Variants in ZNF503 observed in about 807,000 individuals in gnomAD.
The protein encoded by ZNF503 is NocA-like zinc finger 2.
Under a neutral mutation model 34.4 loss-of-function variants are expected in ZNF503, and 15 were observed. The observed-to-expected ratio is 0.44, with a 90% CI of 0.29 to 0.67. The LOEUF is 0.67. Ranked by LOEUF, ZNF503 falls within the 30% of genes least tolerant of loss-of-function variation. ZNF503 has a pLI of 0.13. For synonymous variants in ZNF503, 580 were observed against 456.8 expected, an observed-to-expected ratio of 1.27 and a Z score of -3.44; for missense variants, 1,007 against 926.8, an observed-to-expected ratio of 1.09 and a Z score of -1.12.
chr10:75,351,980 C>T, the ZNF503 span, among the ~76,000 whole-genome samples: 5 of 152,282 alleles, frequency 3.3e-5, no homozygotes, highest in Admixed American at 2.6e-4. Context: ...TGCCCCTTGC[C>T]GCCACAAGGT....
chr10:75,386,273 A>G, the ZNF503 span, among the ~76,000 whole-genome samples: 1 of 152,214 alleles, frequency 6.6e-6, no homozygotes, highest in African/African-American at 2.4e-5. Flanking sequence ...CACAAGAATG[A>G]GCACAATATC....
the ZNF503 span, chr10:75,283,357 T>A: frequency 1.3e-5 from 2 of 152,288 alleles, no homozygotes; most frequent in Non-Finnish European, 2.9e-5. Flanking sequence ...GCAGCAGACA[T>A]ACGTGTGGCT....
the ZNF503 span, among the ~76,000 whole-genome samples, chr10:75,293,370 G>A: frequency 6.6e-6 from 1 of 152,190 alleles, no homozygotes; most frequent in Non-Finnish European, 1.5e-5. Flanking sequence ...GAGCCAGTGG[G>A]AGTGCAGCTG....
the ZNF503 span, among the ~76,000 whole-genome samples, chr10:75,297,801 AT>A: frequency 6.6e-6 from 1 of 152,246 alleles, no homozygotes; most frequent in African/African-American, 2.4e-5. Context: ...ACTACAACCC[AT>A]AAAGAGGTGA....
chr10:75,366,897 TACCCGCAC>T, the ZNF503 span, among the ~76,000 whole-genome samples: 3 of 151,886 alleles, frequency 2.0e-5, no homozygotes, highest in African/African-American at 7.3e-5. Flanking sequence ...GAGCTCCAGG[TACCCGCAC>T]TACTAGCTTG....
At chr10:75,287,665 T>G in the ZNF503 span, among the ~76,000 whole-genome samples, 2 of 152,048 alleles carry the variant, frequency 1.3e-5, no homozygotes, top group South Asian at 4.2e-4. Flanking sequence ...CAGGAGTGAG[T>G]GGACCAGGGC....
rs956078798 is a variant in ZNF503 at position 75,400,232 on chromosome 10, C to A, written c.458G>T (p.Gly153Val). Residue 153 changes from glycine (G) to valine (V), a missense_variant, in exon 2 of 2, where the codon GGC (glycine) becomes GTC (valine). By Grantham distance (109) the Gly-to-Val change is moderately radical. Transcript: ENST00000372524. ...GAGGAGGGAA[G>V]DKDTKSGPLK... ...GGGGCCCGATTTGGTGTCCTTGTCG[C>A]CCGCAGCACCGCCGCCGGCACCGCC... The A allele has an allele frequency of 1.1e-5, 18 of 1,610,330 alleles. No individual in the cohort carries two copies. The highest frequency in any genetic ancestry group is 1.6e-4 in the Middle Eastern group (1 of 6,076).
the ZNF503 span, among the ~76,000 whole-genome samples, chr10:75,325,903 G>A: frequency 2.0e-5 from 3 of 151,476 alleles, no homozygotes; most frequent in Non-Finnish European, 2.9e-5. Context: ...CTGTCACCTG[G>A]GCTGGAGTGC....
At chr10:75,332,405 T>C in the ZNF503 span, among the ~76,000 whole-genome samples, 1 of 152,094 alleles carries the variant, frequency 6.6e-6, no homozygotes, top group Non-Finnish European at 1.5e-5. Flanking sequence ...GTGTCTACTC[T>C]GCTGTTAAGC....
the ZNF503 span, among the ~76,000 whole-genome samples, chr10:75,284,515 T>C: frequency 6.6e-6 from 1 of 152,136 alleles, no homozygotes; most frequent in Non-Finnish European, 1.5e-5. Context: ...TCTCAACCCC[T>C]ACCCAGGTCC....
the ZNF503 span, among the ~76,000 whole-genome samples, chr10:75,389,709 G>T: frequency 6.6e-6 from 1 of 152,110 alleles, no homozygotes; most frequent in Non-Finnish European, 1.5e-5. Context: ...CAGTCTGGGC[G>T]ACAAAACGAG....
Position 75,401,400 on chromosome 10 carries a change from A to C in ZNF503, c.20T>G (p.Leu7Arg). ...GTGCTTACTGCTTCTTAGGGCAGAAAGCGAGGGCGCTGTGCTCATGACCCA... is the reference window on the plus strand; with the variant it reads ...GTGCTTACTGCTTCTTAGGGCAGAACGCGAGGGCGCTGTGCTCATGACCCA... MSTAPS[L>R]SALRSSKHSG... The change falls in exon 1 of 2, where the codon CTT (leucine) becomes CGT (arginine). Residue 7 changes from leucine to arginine, a missense_variant. Leu to Arg is a moderately radical substitution (Grantham distance 102). Coordinates refer to ENST00000372524, the MANE Select transcript of ZNF503 (RefSeq NM_032772.6). 1 of 1,538,784 alleles carries C rather than the reference A, an allele frequency of 6.5e-7. No individual in the cohort carries two copies. Among genetic ancestry groups the C allele is most frequent in the Non-Finnish European group, 8.7e-7 (1 of 1,146,408 alleles).
In ZNF503 at chr10:75,401,245, C is replaced by G. The variant is rs1365829422; in HGVS notation, c.175G>C (p.Ala59Pro). The G allele has an allele frequency of 5.0e-6, 8 of 1,606,826 alleles. No individual in the cohort carries two copies. Among genetic ancestry groups the G allele is most frequent in the Non-Finnish European group, 6.8e-6 (8 of 1,176,878 alleles). The change falls in exon 1 of 2, where the codon GCC (alanine) becomes CCC (proline). Residue 59 changes from alanine to proline, a missense_variant. Ala to Pro is a conservative substitution (Grantham distance 27). Coordinates refer to ENST00000372524, the MANE Select transcript of ZNF503 (RefSeq NM_032772.6). Reference sequence around the variant, plus strand: ...CGCAGGGGGTCAGAGGGGGGCACGGCGTGCACAAAAGGCTTGGTGCTGCCG... The same window carrying G: ...CGCAGGGGGTCAGAGGGGGGCACGGGGTGCACAAAAGGCTTGGTGCTGCCG... Reference protein sequence around the residue: ...PAGSTKPFVHAVPPSDPLRQA... With the variant: ...PAGSTKPFVHPVPPSDPLRQA...
the ZNF503 span, among the ~76,000 whole-genome samples, chr10:75,299,233 G>A: frequency 6.6e-6 from 1 of 152,158 alleles, no homozygotes; most frequent in Non-Finnish European, 1.5e-5. Flanking sequence ...GCTCAGCCTT[G>A]TTTAACTTTT....
At chr10:75,350,236 G>C in the ZNF503 span, 1 of 152,212 alleles carries the variant, frequency 6.6e-6, no homozygotes, top group African/African-American at 2.4e-5. Flanking sequence ...CATGACATAA[G>C]TGATAAATTA....
At chr10:75,364,436 A>C in the ZNF503 span, among the ~76,000 whole-genome samples, 2 of 152,172 alleles carry the variant, frequency 1.3e-5, no homozygotes, top group African/African-American at 4.8e-5. Context: ...GAAACATGAA[A>C]GCTCTCTAAG....
At chr10:75,347,657 A>G in the ZNF503 span, among the ~76,000 whole-genome samples, 1 of 152,264 alleles carries the variant, frequency 6.6e-6, no homozygotes, top group African/African-American at 2.4e-5. Flanking sequence ...ATTTCCAGAC[A>G]GAGATCAGAC....
At chr10:75,304,506 C>T in the ZNF503 span, among the ~76,000 whole-genome samples, 2 of 152,152 alleles carry the variant, frequency 1.3e-5, no homozygotes, top group African/African-American at 2.4e-5. Flanking sequence ...GTACAATAAA[C>T]ACTCGTGACT....
chr10:75,320,927 T>C, the ZNF503 span, among the ~76,000 whole-genome samples: 1 of 152,144 alleles, frequency 6.6e-6, no homozygotes, highest in African/African-American at 2.4e-5. Flanking sequence ...TTGGGGAAGT[T>C]AGGTAAAGGG....
Sources: allele counts gnomAD v4.1 joint callset (sites outside exome capture counted in the v4.1 genomes callset), GRCh38; gene constraint gnomAD v4.1.1; transcripts MANE v1.5; gene names NCBI Gene and HGNC (gene_info 2026-07-23, HGNC 2026-07-21).